CSMD2: variants seen among roughly 807,000 people sequenced by gnomAD.
CSMD2 encodes the protein CUB and sushi domain-containing protein 2.
Under a neutral mutation model 398.5 loss-of-function variants are expected in CSMD2, and 130 were observed. That is an observed-to-expected ratio of 0.33 (90% CI 0.28 to 0.38). The LOEUF is 0.38. Among genes scored for constraint, CSMD2 ranks in the 10% least tolerant of loss-of-function variants. CSMD2 has a pLI of 1.00. For missense variants in CSMD2, 3,829 were observed against 4,764.9 expected, an observed-to-expected ratio of 0.80 and a Z score of 5.78; for synonymous variants, 1,828 against 1,908.5, an observed-to-expected ratio of 0.96 and a Z score of 1.10.
chr1:33,708,690 C>T (rs894367578), intron 22 of CSMD2, among the ~76,000 whole-genome samples: 1 of 151,748 alleles, frequency 6.6e-6, no homozygotes, highest in Non-Finnish European at 1.5e-5. Context: ...TAACCTCAAC[C>T]TCCCTGGCTC....
rs79632404 is a variant in CSMD2, at chr1:34,111,497, G to A, written c.188-22304C>T. ...GGATGCATGTGTCAGTAAGCAGGAA[G>A]TTGAAGGAATTTCAGCCATCATTTA... is the stretch of plus-strand genomic sequence containing the variant. On this transcript the variant is annotated intron_variant, in intron 1 of 70. Transcript: ENST00000373381. 5.9e-3 allele frequency among the ~76,000 whole-genome samples: 901 copies of A among 152,346 alleles called. 14 individuals carry two copies. Among genetic ancestry groups the A allele is most frequent in the African/African-American group, 0.021 (858 of 41,576 alleles).
At position 33,542,717 on chromosome 1, in the gene CSMD2, C is replaced by T. The variant is rs974210806; in HGVS notation, c.9277+3G>A. The T allele has an allele frequency of 8.1e-6, 13 of 1,612,456 alleles. No homozygotes were observed. Among genetic ancestry groups the T allele is most frequent in the South Asian group, 1.1e-5 (1 of 90,748 alleles). On this transcript the variant is annotated splice_donor_region_variant and intron_variant, in intron 58 of 70. Transcript: ENST00000373381. ...ATGGAACCCGTAGGGCCTGAGCTCT[C>T]ACCGAGGCACTCAGGGTCACTGCCT... is the stretch of plus-strand genomic sequence containing the variant.
rs1205523284 is a variant in CSMD2, at chr1:33,636,228, A to G, written c.4969+132T>C. On this transcript the variant is annotated intron_variant, in intron 30 of 70. Coordinates refer to ENST00000373381, the MANE Select transcript of CSMD2 (RefSeq NM_001281956.2). This position sits in a 1 kb window ranked among gnomAD's most constrained non-coding sequence, Gnocchi z 4.8. ...CCACTTCTATACACATCCACGGCAA[A>G]CCCAGGTTTGCCAGGCTTGGAGGAG... The G allele has an allele frequency of 3.7e-6, 3 of 812,372 alleles. No homozygotes were observed. Among genetic ancestry groups the G allele is most frequent in the Non-Finnish European group, 5.8e-6 (3 of 520,906 alleles). The allele number at this position is 812,372 out of a possible 1,614,324, so 50.3% of individuals were successfully genotyped here.
At chr1:33,844,445 C>T (rs955903167) in intron 6 of CSMD2, among the ~76,000 whole-genome samples, 28 of 152,334 alleles carry the variant, frequency 1.8e-4, no homozygotes, top group East Asian at 1.3e-3. Context: ...ATGTCAATAG[C>T]GCAGAGCCTG....
chr1:33,752,289 T>G (rs1405500614), intron 13 of CSMD2, among the ~76,000 whole-genome samples: 1 of 152,238 alleles, frequency 6.6e-6, no homozygotes, highest in Non-Finnish European at 1.5e-5. Flanking sequence ...CCCTCTTGAA[T>G]GGCTTAGCGC....
chr1:33,969,109 A>C (rs768953295), intron 3 of CSMD2, among the ~76,000 whole-genome samples: 6 of 152,232 alleles, frequency 3.9e-5, no homozygotes, highest in Non-Finnish European at 7.3e-5. Flanking sequence ...TCATAGGAGA[A>C]AGAACATGGT....
intron 55 of CSMD2, among the ~76,000 whole-genome samples, chr1:33,553,537 T>C (rs749987707): frequency 6.6e-6 from 1 of 152,170 alleles, no homozygotes; most frequent in Non-Finnish European, 1.5e-5. Context: ...AGCCCTATGA[T>C]GTCCTCTAAG....
intron 13 of CSMD2, among the ~76,000 whole-genome samples, chr1:33,751,040 G>A (rs936998983): frequency 5.9e-5 from 9 of 152,038 alleles, no homozygotes; most frequent in Admixed American, 4.6e-4. Flanking sequence ...CTTCATCTAT[G>A]AAGAATTGGA....
At chr1:33,835,530 AT>A (rs1345070303) in intron 6 of CSMD2, among the ~76,000 whole-genome samples, 1 of 100,078 alleles carries the variant, frequency 1.0e-5, no homozygotes, top group African/African-American at 4.7e-5. Context: ...GAGGGATGGC[AT>A]TGGGAGATAT....
At chr1:33,743,047 A>C (rs1464734735) in intron 14 of CSMD2, among the ~76,000 whole-genome samples, 2 of 152,168 alleles carry the variant, frequency 1.3e-5, no homozygotes, top group African/African-American at 4.8e-5. Context: ...CAACTATGGG[A>C]GATAAATGCC....
chr1:33,864,734 AAGAGTCAGGC>A (rs748147890), intron 5 of CSMD2: 2 of 1,611,094 alleles, frequency 1.2e-6, no homozygotes, highest in South Asian at 2.2e-5. Flanking sequence ...GCAGAGGGAA[AAGAGTCAGGC>A]AGAGCTGATG....
At chr1:34,110,271 T>A (rs751085427) in intron 1 of CSMD2, among the ~76,000 whole-genome samples, 1 of 152,122 alleles carries the variant, frequency 6.6e-6, no homozygotes, top group Non-Finnish European at 1.5e-5. Context: ...TCAACCATTG[T>A]AGAAAGCAGT....
chr1:33,832,566 C>T (rs1243747802), intron 6 of CSMD2, among the ~76,000 whole-genome samples: 2 of 150,140 alleles, frequency 1.3e-5, no homozygotes, highest in Admixed American at 6.7e-5. Flanking sequence ...CCAAAATTGA[C>T]ACCCTAGCAT....
At chr1:33,745,491 A>G (rs1334742267) in intron 13 of CSMD2, among the ~76,000 whole-genome samples, 1 of 152,226 alleles carries the variant, frequency 6.6e-6, no homozygotes, top group Non-Finnish European at 1.5e-5. Context: ...AAAGGTAATG[A>G]TGCTAAGATG....
chr1:33,929,636 C>T (rs1644249092), intron 4 of CSMD2, among the ~76,000 whole-genome samples: 1 of 151,984 alleles, frequency 6.6e-6, no homozygotes, highest in Admixed American at 6.5e-5. Context: ...TGGAGTTTCA[C>T]CATGTTGGTC....
chr1:33,733,501 A>G (rs1233412826), intron 15 of CSMD2, among the ~76,000 whole-genome samples: 1 of 152,194 alleles, frequency 6.6e-6, no homozygotes, highest in East Asian at 1.9e-4. Flanking sequence ...ATACCTCCTC[A>G]TGAAGAGTCA....
chr1:33,568,736 T>C (rs1367801707), intron 52 of CSMD2, among the ~76,000 whole-genome samples: 4 of 152,166 alleles, frequency 2.6e-5, no homozygotes, highest in African/African-American at 4.8e-5. Flanking sequence ...TGTGACTGTG[T>C]CCTTAATGGG....
intron 2 of CSMD2, among the ~76,000 whole-genome samples, chr1:34,037,203 C>A (rs1651246897): frequency 1.3e-5 from 2 of 152,206 alleles, no homozygotes; most frequent in African/African-American, 4.8e-5. Context: ...TTAGATCAGA[C>A]TTACACTCAG....
intron 21 of CSMD2, among the ~76,000 whole-genome samples, chr1:33,711,458 G>T (rs1645985568): frequency 6.6e-6 from 1 of 152,212 alleles, no homozygotes; most frequent in Non-Finnish European, 1.5e-5. Context: ...CAACGCATGA[G>T]ATTTTATATA....
Sources: gnomAD v4.1 joint callset for allele counts (sites outside exome capture counted in the v4.1 genomes callset) on GRCh38, gnomAD v4.1.1 for gene constraint, Gnocchi (gnomAD v3.1) non-coding constraint, MANE v1.5 for transcripts, NCBI Gene and HGNC (gene_info 2026-07-23, HGNC 2026-07-21) for gene names.